ZNF653: variants seen among roughly 807,000 people sequenced by gnomAD.
ZNF653 encodes the protein zinc finger protein 653, also known as 67 kDa zinc finger protein.
ZNF653 carries 37 observed loss-of-function variants against 59.9 expected under a neutral mutation model. The ratio of observed to expected loss-of-function variants is 0.62; its 90% CI spans 0.48 to 0.81. ZNF653 has a LOEUF of 0.81. ZNF653 is among the 40% of genes least tolerant of loss of function. ZNF653 has a pLI of 0.00. For synonymous variants in ZNF653, 435 were observed against 371.8 expected, an observed-to-expected ratio of 1.17 and a Z score of -1.96; for missense variants, 808 against 881.1, an observed-to-expected ratio of 0.92 and a Z score of 1.05.
chr19:11,504,763 C>A (rs1469199838), intron 1 of ZNF653: 1 of 157,948 alleles, frequency 6.3e-6, no homozygotes, highest in Non-Finnish European at 1.4e-5. Context: ...AGGCACTCTT[C>A]TAAGCTCTTT....
In ZNF653 at chr19:11,487,349, C is replaced by A. The variant is rs770477005; in HGVS notation, c.1114G>T (p.Gly372Cys). Residue 372 changes from glycine to cysteine, a missense_variant, in exon 4 of 9, where the codon GGT (glycine) becomes TGT (cysteine). Gly to Cys is a radical substitution (Grantham distance 159). Coordinates refer to ENST00000293771, the MANE Select transcript of ZNF653 (RefSeq NM_138783.4). This position sits in a 1 kb window ranked among gnomAD's most constrained non-coding sequence, Gnocchi z 5.1. ...VAAYTQTEPE[G>C]SQPSTMDATA... Reference sequence around the variant, plus strand: ...GCGTCCATGGTGCTAGGCTGGCTACCCTCGGGCTCTGTCTGGGTGTAGGCT... The same window carrying A: ...GCGTCCATGGTGCTAGGCTGGCTACACTCGGGCTCTGTCTGGGTGTAGGCT... 3.1e-6 allele frequency: 5 copies of A among 1,613,558 alleles called. No homozygotes were observed. The South Asian group carries it at 5.5e-5, about 18-fold the overall frequency.
chr19:11,484,223 G>C (rs918060358), intron 7 of ZNF653, 82 bp from the exon 8 acceptor site: 5 of 1,112,090 alleles, frequency 4.5e-6, no homozygotes, highest in Non-Finnish European at 6.6e-6. Flanking sequence ...GCTAGAAGGA[G>C]CATCAGGCTG....
chr19:11,496,227 T>G, intron 2 of ZNF653, 62 bp from the exon 3 acceptor site: 6 of 1,539,740 alleles, frequency 3.9e-6, no homozygotes, highest in Non-Finnish European at 5.3e-6. Context: ...GTGACATGGC[T>G]GCCTGAACCA....
intron 8 of ZNF653, 39 bp from the exon 9 acceptor site, chr19:11,483,898 T>TGGGCG (rs774779869): frequency 1.2e-4 from 21 of 178,966 alleles, no homozygotes; most frequent in East Asian, 3.4e-4. Context: ...GGGGTCAGAG[T>TGGGCG]GGGCGGGGCG....
In ZNF653 at chr19:11,505,496, G is replaced by A; in HGVS notation, c.291C>T (p.Gly97=). Residue 97 remains glycine (G), a synonymous_variant, in exon 1 of 9, where the codon GGC becomes GGT. Transcript: ENST00000293771. ...LISLERGQRS[G]RHGKPWEQVP... ...GGGCCAGGCCCCCTCACCCGTGGCG[G>A]CCGCTCCGCTGGCCGCGCTCCAGAG... is the stretch of plus-strand genomic sequence containing the variant. 1 of 1,487,308 alleles carries A rather than the reference G, an allele frequency of 6.7e-7. No individual in the cohort carries two copies. The allele number at this position is 1,487,308 out of a possible 1,614,324, so 92.1% of individuals were successfully genotyped here. A position where few individuals can be genotyped will look rare whatever the true frequency, so the allele number is the denominator to read the frequency against.
intron 7 of ZNF653, among the ~76,000 whole-genome samples, chr19:11,485,017 G>A (rs746288963): frequency 9.9e-5 from 15 of 150,874 alleles, no homozygotes; most frequent in Non-Finnish European, 2.2e-4. Flanking sequence ...ATTCCAGCCC[G>A]GGCAACAGAG....
chr19:11,505,674 C>T lies in ZNF653; in HGVS notation c.113G>A (p.Arg38Gln). The T allele has an allele frequency of 6.7e-7, 1 of 1,492,550 alleles. No individual in the cohort carries two copies. The highest frequency in any genetic ancestry group is 1.3e-5 in the South Asian group (1 of 79,280). 92.5% of individuals were successfully genotyped at this position (1,492,550 alleles called of 1,614,324 possible). ...CCGGGCCCGGTCCGACTCCGTGAGT[C>T]GCGGCCGGCCCCGCGCCTTTCGGCC... ...AAGRKARGRP[R>Q]LTESDRARRR... Residue 38 changes from arginine (R) to glutamine (Q), a missense_variant, in exon 1 of 9, where the codon CGA becomes CAA. By Grantham distance (43) the Arg-to-Gln change is conservative. Coordinates refer to ENST00000293771, the MANE Select transcript of ZNF653 (RefSeq NM_138783.4).
At chr19:11,493,074 T>C (rs1224062480) in intron 3 of ZNF653, among the ~76,000 whole-genome samples, 1 of 149,948 alleles carries the variant, frequency 6.7e-6, no homozygotes, top group Admixed American at 6.7e-5. Flanking sequence ...TTTTTTTTTT[T>C]CTAGACAGAG....
At chr19:11,493,102 G>A (rs1384778925) in intron 3 of ZNF653, among the ~76,000 whole-genome samples, 1 of 149,922 alleles carries the variant, frequency 6.7e-6, no homozygotes, top group African/African-American at 2.5e-5. Context: ...CTGTTGCCCA[G>A]GCTGGAATGC....
Position 11,487,174 on chromosome 19 carries a change from A to T in ZNF653, c.1172-16T>A, listed in dbSNP as rs764179499. The stretch of plus-strand genomic sequence containing the variant: ...TCCTCCTTCTCTACAGGGTGGACAC[A>T]GGGTGGTGTCCGCAGGGGACGAAGG... On this transcript the variant is annotated splice_polypyrimidine_tract_variant and intron_variant, in intron 4 of 8. Coordinates refer to ENST00000293771, the MANE Select transcript of ZNF653 (RefSeq NM_138783.4). The surrounding 1 kb of genome is among the most constrained non-coding windows in gnomAD (Gnocchi z 5.1). 3.1e-6 allele frequency: 5 copies of T among 1,609,424 alleles called. No individual in the cohort carries two copies. Among genetic ancestry groups the T allele is most frequent in the Non-Finnish European group, 4.2e-6 (5 of 1,179,408 alleles).
chr19:11,505,265 G>T (rs1387731268), intron 1 of ZNF653: 6 of 473,084 alleles, frequency 1.3e-5, no homozygotes, highest in Middle Eastern at 1.1e-3. Context: ...GCGGGTCGAG[G>T]GGCTGGGTGC....
chr19:11,485,478 T>G (rs1971455952), intron 7 of ZNF653, among the ~76,000 whole-genome samples, 178 bp downstream of exon 7: 1 of 152,042 alleles, frequency 6.6e-6, no homozygotes. Context: ...TGGTAATAGT[T>G]CCTGTCGCTG....
At position 11,487,088 on chromosome 19, in the gene ZNF653, C is replaced by G. The variant is rs764424145; in HGVS notation, c.1242G>C (p.Thr414=). ...EEPVAPELAT[T]VPESAEPEAE... is the part of the protein sequence containing the mutation. Reference sequence around the variant, plus strand: ...CCTCAGGCTCTGCGCTCTCAGGCACCGTTGTTGCCAGCTCCGGGGCTACTG... The same window carrying G: ...CCTCAGGCTCTGCGCTCTCAGGCACGGTTGTTGCCAGCTCCGGGGCTACTG... Residue 414 remains threonine, a synonymous_variant, in exon 5 of 9, where the codon ACG becomes ACC. Coordinates refer to ENST00000293771, the MANE Select transcript of ZNF653 (RefSeq NM_138783.4). This position sits in a 1 kb window ranked among gnomAD's most constrained non-coding sequence, Gnocchi z 5.1. 27 of 1,613,990 alleles carry G rather than the reference C, an allele frequency of 1.7e-5. No homozygotes were observed. The highest frequency in any genetic ancestry group is 2.2e-5 in the Non-Finnish European group (26 of 1,180,026).
chr19:11,495,918 G>A lies in ZNF653; in HGVS notation c.559+32C>T, dbSNP rs1971581934. 1.3e-6 allele frequency: 2 copies of A among 1,596,122 alleles called. No homozygotes were observed. Among genetic ancestry groups the A allele is most frequent in the Non-Finnish European group, 1.7e-6 (2 of 1,169,664 alleles). On this transcript the variant is annotated intron_variant, in intron 3 of 8. Transcript: ENST00000293771. This position sits in a 1 kb window ranked among gnomAD's most constrained non-coding sequence, Gnocchi z 4.9. ...CGTAAGAAGCCCCCAGAAATGGGCG[G>A]CCCCCTATGTGCCCTCGCCCTGCAG...
rs201949384 is a variant in ZNF653 at position 11,483,846 on chromosome 19, C to A, written c.1684G>T (p.Gly562Cys). The change falls in exon 9 of 9, where the codon GGC becomes TGC. Residue 562 changes from glycine to cysteine, a missense_variant. Gly to Cys is a radical substitution (Grantham distance 159). Transcript: ENST00000293771. ...GACGCGCGCTGCCGGCACTGGTAGC[C>A]ACAGATCTCGCACCTGCCGGGAGCC... is the stretch of plus-strand genomic sequence containing the variant. ...GETPLQCEIC[G>C]YQCRQRASLN... The A allele has an allele frequency of 9.4e-6, 15 of 1,592,672 alleles. No individual in the cohort carries two copies. The highest frequency in any genetic ancestry group is 2.7e-5 in the African/African-American group (2 of 73,942).
At chr19:11,497,703 A>G (rs1269936557) in intron 2 of ZNF653, among the ~76,000 whole-genome samples, 1 of 152,160 alleles carries the variant, frequency 6.6e-6, no homozygotes, top group Admixed American at 6.5e-5. Flanking sequence ...GTTTGGGTCT[A>G]GGGAATGTGC....
In ZNF653 at chr19:11,505,725, TCCCCGC is replaced by T; in HGVS notation, c.56_61del (p.Gly19_Gly20del). On this transcript the variant is annotated inframe_deletion, in exon 1 of 9. Coordinates refer to ENST00000293771, the MANE Select transcript of ZNF653 (RefSeq NM_138783.4). ...CGCTGCGCCCTCCTCGGCTGCTGCC[TCCCCGC>T]CCGCGCCCGCCTCAGCCTCCGCCTC... is the stretch of plus-strand genomic sequence containing the variant. 6.9e-7 allele frequency: 1 copy of T among 1,458,738 alleles called. No individual in the cohort carries two copies. The highest frequency in any genetic ancestry group is 9.0e-7 in the Non-Finnish European group (1 of 1,115,574). 90.4% of individuals were successfully genotyped at this position (1,458,738 alleles called of 1,614,324 possible).
chr19:11,489,829 G>C (rs1568394521), intron 3 of ZNF653, among the ~76,000 whole-genome samples: 1 of 152,172 alleles, frequency 6.6e-6, no homozygotes, highest in African/African-American at 2.4e-5. Context: ...GGCCCTTCCT[G>C]GTGGCTCCTT....
rs1009540423 is a variant in ZNF653 at position 11,495,005 on chromosome 19, G to A, written c.559+945C>T. 6.6e-6 allele frequency among the ~76,000 whole-genome samples: 1 copy of A among 152,202 alleles called. No homozygotes were observed. The highest frequency in any genetic ancestry group is 2.4e-5 in the African/African-American group (1 of 41,458). Reference sequence around the variant, plus strand: ...CTGAGAGCCTGGCCGACACTTGGTGGGACGGTCGTTGGCGGGGGCGCCCAC... The same window carrying A: ...CTGAGAGCCTGGCCGACACTTGGTGAGACGGTCGTTGGCGGGGGCGCCCAC... On this transcript the variant is annotated intron_variant, in intron 3 of 8. Transcript: ENST00000293771. The surrounding 1 kb of genome is among the most constrained non-coding windows in gnomAD (Gnocchi z 4.9).
Sources: gnomAD v4.1 joint callset for allele counts (sites outside exome capture counted in the v4.1 genomes callset) on GRCh38, gnomAD v4.1.1 for gene constraint, Gnocchi (gnomAD v3.1) non-coding constraint, MANE v1.5 for transcripts, NCBI Gene and HGNC (gene_info 2026-07-23, HGNC 2026-07-21) for gene names.